The following RPN2 variants were observed in gnomAD, a reference collection of about 807,000 sequenced individuals.
RPN2 encodes the protein dolichyl-diphosphooligosaccharide--protein glycosyltransferase subunit 2.
Under a neutral mutation model 71.4 loss-of-function variants are expected in RPN2, and 29 were observed. That is an observed-to-expected ratio of 0.41 (90% confidence interval 0.30 to 0.55). The LOEUF is 0.55. Among genes scored for constraint, RPN2 ranks in the 20% least tolerant of loss-of-function variants. The pLI, the probability that RPN2 is intolerant of heterozygous loss-of-function variation, is 0.35. For synonymous variants in RPN2, 308 were observed against 305.0 expected (o/e 1.01, Z -0.10); for missense variants, 726 against 774.1 (o/e 0.94, Z 0.74).
chr20:37,184,013 G>A (rs1343229596), intron 1 of RPN2, among the ~76,000 whole-genome samples, 167 bp from the exon 2 acceptor site: 1 of 152,226 alleles, frequency 6.6e-6, no homozygotes, highest in Non-Finnish European at 1.5e-5. Flanking sequence ...ACCAGTTGAA[G>A]AGCAGGCTCC....
At chr20:37,220,926 T>TTATGTGAAACAAAAA (rs2067939166) in intron 9 of RPN2, among the ~76,000 whole-genome samples, 1 of 152,190 alleles carries the variant, frequency 6.6e-6, no homozygotes, top group African/African-American at 2.4e-5. Context: ...ATGAAAGCTG[T>TTATGTGAAACAAAAA]AACTTAGGAA....
intron 11 of RPN2, among the ~76,000 whole-genome samples, chr20:37,227,812 G>A (rs1299779989): frequency 1.3e-5 from 2 of 152,172 alleles, no homozygotes; most frequent in Admixed American, 6.5e-5. Flanking sequence ...GGGATAAAGT[G>A]ATTAGACTCA....
intron 1 of RPN2, among the ~76,000 whole-genome samples, chr20:37,180,883 A>C (rs190914565): frequency 1.6e-4 from 24 of 152,202 alleles, no homozygotes; most frequent in Admixed American, 7.9e-4. Flanking sequence ...GTTTATTCTC[A>C]ACACAGTAAT....
chr20:37,240,735 C>CT (rs2068528602), intron 16 of RPN2, among the ~76,000 whole-genome samples: 2 of 152,210 alleles, frequency 1.3e-5, no homozygotes, highest in East Asian at 3.8e-4. Flanking sequence ...CCCTTTAACA[C>CT]TTTCTGTGAG....
Position 37,223,961 on chromosome 20 carries a change from A to T in RPN2, c.1176A>T (p.Lys392Asn). The T allele has an allele frequency of 6.2e-7, 1 of 1,613,926 alleles. No individual in the cohort carries two copies. The highest frequency in any genetic ancestry group is 8.5e-7 in the Non-Finnish European group (1 of 1,179,854). The change falls in exon 10 of 17, where the codon AAA (lysine) becomes AAT (asparagine). Residue 392 changes from lysine (K) to asparagine (N), a missense_variant. Coordinates refer to ENST00000237530, the MANE Select transcript of RPN2 (RefSeq NM_002951.5). ...TVDKDQSIAP[K>N]TTRVTYPAKA... ...ATAAGGATCAGAGCATTGCACCCAA[A>T]ACTACCCGGTAGGTGAGATGCCACC...
chr20:37,202,807 A>C (rs1245147696), intron 4 of RPN2, among the ~76,000 whole-genome samples: 1 of 152,244 alleles, frequency 6.6e-6, no homozygotes, highest in Non-Finnish European at 1.5e-5. Context: ...AAAAGGACAC[A>C]GATTGTATGA....
intron 2 of RPN2, among the ~76,000 whole-genome samples, chr20:37,189,563 T>A (rs537770659): frequency 5.1e-4 from 77 of 152,230 alleles, no homozygotes; most frequent in Non-Finnish European, 8.8e-4. Flanking sequence ...CAATGTTTTC[T>A]TCCTGTGTGT....
rs1285411019 is a variant in RPN2 at position 37,223,768 on chromosome 20, AT to A, written c.1093-104del. ...CATCCTTGAAGACTCTTGTTCTAGG[AT>A]TTTTTCATGCCTTTACTCACCTTAA... On this transcript the variant is annotated intron_variant, in intron 9 of 16. Coordinates refer to ENST00000237530, the MANE Select transcript of RPN2 (RefSeq NM_002951.5). 4 of 859,370 alleles carry A rather than the reference AT, an allele frequency of 4.7e-6. No homozygotes were observed. In the African/African-American group the frequency reaches 5.0e-5, roughly 11 times the overall value. 53.2% of individuals were successfully genotyped at this position (859,370 alleles called of 1,614,324 possible). A position where few individuals can be genotyped will look rare whatever the true frequency, so the allele number is the denominator to read the frequency against.
At chr20:37,231,815 G>GT (rs2068256930) in intron 13 of RPN2, among the ~76,000 whole-genome samples, 5 of 152,072 alleles carry the variant, frequency 3.3e-5, no homozygotes, top group African/African-American at 4.8e-5. Context: ...AAGATCTGTA[G>GT]GGAGGCTCTG....
chr20:37,199,314 C>G, intron 4 of RPN2, 89 bp downstream of exon 4: 1 of 1,515,188 alleles, frequency 6.6e-7, no homozygotes, highest in Non-Finnish European at 9.0e-7. Context: ...CAAATACTTT[C>G]TGGGCAAGTA....
At chr20:37,221,256 C>T (rs1160221939) in intron 9 of RPN2, among the ~76,000 whole-genome samples, 1 of 148,248 alleles carries the variant, frequency 6.7e-6, no homozygotes, top group East Asian at 2.0e-4. Flanking sequence ...AGTGCAGTGG[C>T]ATGATCTTGG....
chr20:37,209,774 T>C (rs1049299148), intron 7 of RPN2, among the ~76,000 whole-genome samples: 11 of 152,134 alleles, frequency 7.2e-5, no homozygotes, highest in African/African-American at 2.7e-4. Flanking sequence ...TGAGCCATCA[T>C]GCCCAGTCTG....
rs1568991820 is a variant in RPN2, at chr20:37,223,965, A to G, written c.1180A>G (p.Thr394Ala). Residue 394 changes from threonine to alanine, a missense_variant, in exon 10 of 17, where the codon ACC becomes GCC. Transcript: ENST00000237530. ...DKDQSIAPKT[T>A]RVTYPAKAKG... ...GGATCAGAGCATTGCACCCAAAACTACCCGGTAGGTGAGATGCCACCTGAT... is the reference window on the plus strand; with the variant it reads ...GGATCAGAGCATTGCACCCAAAACTGCCCGGTAGGTGAGATGCCACCTGAT... 6.2e-7 allele frequency: 1 copy of G among 1,613,558 alleles called. No homozygotes were observed. Among genetic ancestry groups the G allele is most frequent in the Admixed American group, 1.7e-5 (1 of 59,982 alleles).
At chr20:37,211,545 G>T (rs1427461397) in intron 8 of RPN2, among the ~76,000 whole-genome samples, 1 of 151,190 alleles carries the variant, frequency 6.6e-6, no homozygotes, top group Non-Finnish European at 1.5e-5. Flanking sequence ...GGAGGCTGAG[G>T]CAAGAGAATC....
intron 2 of RPN2, among the ~76,000 whole-genome samples, chr20:37,197,518 G>GC (rs2067280143): frequency 6.6e-6 from 1 of 152,202 alleles, no homozygotes; most frequent in African/African-American, 2.4e-5. Flanking sequence ...CCATGTTTCT[G>GC]GTTTGGGTTG....
chr20:37,181,010 C>T (rs1168431088), intron 1 of RPN2, among the ~76,000 whole-genome samples: 1 of 152,114 alleles, frequency 6.6e-6, no homozygotes, highest in Non-Finnish European at 1.5e-5. Flanking sequence ...GCGGGCGGAT[C>T]ACGAGGTCAA....
At chr20:37,197,323 G>A (rs889799748) in intron 2 of RPN2, among the ~76,000 whole-genome samples, 1 of 152,228 alleles carries the variant, frequency 6.6e-6, no homozygotes, top group African/African-American at 2.4e-5. Context: ...TCTTGAAGCA[G>A]TGTGCAGAAT....
chr20:37,230,811 A>G (rs1431685390), intron 13 of RPN2, among the ~76,000 whole-genome samples: 1 of 150,940 alleles, frequency 6.6e-6, no homozygotes, highest in Non-Finnish European at 1.5e-5. Context: ...ATACAGCATT[A>G]TTTAAGAATG....
chr20:37,184,663 A>T (rs937557958), intron 2 of RPN2, among the ~76,000 whole-genome samples: 4 of 152,080 alleles, frequency 2.6e-5, no homozygotes, highest in Non-Finnish European at 5.9e-5. Context: ...GTGGTGGTGC[A>T]TGCCTGTAAT....
Sources: gnomAD v4.1 joint callset for allele counts (sites outside exome capture counted in the v4.1 genomes callset) on GRCh38, gnomAD v4.1.1 for gene constraint, MANE v1.5 for transcripts, NCBI Gene and HGNC (gene_info 2026-07-23, HGNC 2026-07-21) for gene names.